The following ASTN1 variants were observed in gnomAD, a reference collection of about 807,000 sequenced individuals.
The protein encoded by ASTN1 is astrotactin 1.
A neutral mutation model predicts 140.7 loss-of-function variants in ASTN1; 41 were observed. That is an observed-to-expected ratio of 0.29 (90% CI 0.23 to 0.38). ASTN1 has a LOEUF of 0.38. Among genes scored for constraint, ASTN1 ranks in the 10% least tolerant of loss-of-function variants. The probability of loss-of-function intolerance (pLI) is 1.00; values close to 1 mark genes in which losing one functional copy is unlikely to be tolerated. For synonymous variants in ASTN1, 640 were observed against 652.2 expected (o/e 0.98, Z 0.29); for missense variants, 1,479 against 1,678.8 (o/e 0.88, Z 2.08).
At chr1:176,875,877 T>C (rs1668539120) in intron 21 of ASTN1, among the ~76,000 whole-genome samples, 1 of 152,118 alleles carries the variant, frequency 6.6e-6, no homozygotes, top group Non-Finnish European at 1.5e-5. Flanking sequence ...ATAAATAGGG[T>C]GTAAAAACCT....
At chr1:176,931,301 T>C (rs1268348935) in intron 16 of ASTN1, among the ~76,000 whole-genome samples, 1 of 152,074 alleles carries the variant, frequency 6.6e-6, no homozygotes, top group Non-Finnish European at 1.5e-5. Flanking sequence ...ACCCCGTCTC[T>C]ACTTAAATAC....
chr1:177,034,560 T>C (rs1676617340), intron 2 of ASTN1, among the ~76,000 whole-genome samples: 1 of 152,090 alleles, frequency 6.6e-6, no homozygotes, highest in South Asian at 2.1e-4. Flanking sequence ...CCATCCATCC[T>C]GGCAGCCCTG....
chr1:176,958,270 AC>A, intron 10 of ASTN1, 74 bp downstream of exon 10: 1 of 1,599,156 alleles, frequency 6.3e-7, no homozygotes, highest in Non-Finnish European at 8.5e-7. Flanking sequence ...CTTCCCCAGC[AC>A]CTAAAACCTA....
chr1:177,095,909 G>C (rs1053030207), intron 1 of ASTN1, among the ~76,000 whole-genome samples: 1 of 152,204 alleles, frequency 6.6e-6, no homozygotes, highest in Admixed American at 6.5e-5. Flanking sequence ...AAGCCATGGG[G>C]GAATGGCTGC....
intron 1 of ASTN1, among the ~76,000 whole-genome samples, chr1:177,092,893 T>C (rs1679826999): frequency 6.6e-6 from 1 of 152,220 alleles, no homozygotes; most frequent in South Asian, 2.1e-4. Flanking sequence ...ACTAACCCAT[T>C]TCTATATATC....
intron 11 of ASTN1, among the ~76,000 whole-genome samples, chr1:176,952,072 T>C (rs547496493): frequency 3.0e-4 from 46 of 152,274 alleles, no homozygotes; most frequent in African/African-American, 1.1e-3. Context: ...GCCATGCTGC[T>C]TCTCTAGTAT....
At chr1:176,917,131 G>T (rs1313188106) in intron 16 of ASTN1, among the ~76,000 whole-genome samples, 2 of 152,066 alleles carry the variant, frequency 1.3e-5, no homozygotes, top group East Asian at 3.9e-4. Flanking sequence ...CCTCCTCTTT[G>T]GTGCTTCCTT....
At chr1:177,119,603 T>C (rs987268098) in intron 1 of ASTN1, among the ~76,000 whole-genome samples, 2 of 152,158 alleles carry the variant, frequency 1.3e-5, no homozygotes, top group African/African-American at 4.8e-5. Flanking sequence ...CCTTCTTTCC[T>C]CTCAAACCTC....
intron 16 of ASTN1, among the ~76,000 whole-genome samples, chr1:176,895,328 T>G (rs145940052): frequency 6.6e-6 from 1 of 152,354 alleles, no homozygotes; most frequent in African/African-American, 2.4e-5. Context: ...GCCTGTACTA[T>G]AAAAGTGAGA....
At chr1:177,094,922 A>G (rs530191724) in intron 1 of ASTN1, among the ~76,000 whole-genome samples, 57 of 152,322 alleles carry the variant, frequency 3.7e-4, no homozygotes, top group Non-Finnish European at 5.3e-4. Flanking sequence ...TGGTATAAAT[A>G]CAGATGATAA....
chr1:177,114,958 C>T (rs1681008880), intron 1 of ASTN1, among the ~76,000 whole-genome samples: 1 of 151,874 alleles, frequency 6.6e-6, no homozygotes, highest in African/African-American at 2.4e-5. Context: ...AGGAGAAGCA[C>T]TGTTAGCCAG....
At chr1:177,158,936 G>A (rs1446684540) in intron 1 of ASTN1, among the ~76,000 whole-genome samples, 15 of 149,756 alleles carry the variant, frequency 1.0e-4, no homozygotes, top group East Asian at 5.8e-4. Flanking sequence ...GCATGGTGGC[G>A]GGTGACTGTA....
chr1:177,101,545 G>A (rs529232874), intron 1 of ASTN1, among the ~76,000 whole-genome samples: 1 of 152,156 alleles, frequency 6.6e-6, no homozygotes, highest in African/African-American at 2.4e-5. Flanking sequence ...TTTCCTGGGG[G>A]TGAGGTGGCA....
At chr1:177,015,999 T>C (rs1675527401) in intron 7 of ASTN1, among the ~76,000 whole-genome samples, 1 of 152,188 alleles carries the variant, frequency 6.6e-6, no homozygotes, top group Non-Finnish European at 1.5e-5. Flanking sequence ...ATGATGGGCA[T>C]ACCATTTCTT....
chr1:176,946,055 G>A lies in ASTN1; in HGVS notation c.2120C>T (p.Pro707Leu). 1 of 1,614,002 alleles carries A rather than the reference G, an allele frequency of 6.2e-7. No individual in the cohort carries two copies. Among genetic ancestry groups the A allele is most frequent in the Non-Finnish European group, 8.5e-7 (1 of 1,179,920 alleles). Residue 707 changes from proline (P) to leucine (L), a missense_variant, in exon 13 of 23, where the codon CCA becomes CTA. This residue lies in a region of ASTN1 where 746 missense variants were observed against 800.9 expected (regional missense o/e 0.93). Coordinates refer to ENST00000361833, the MANE Select transcript of ASTN1 (RefSeq NM_004319.3). Reference protein sequence around the residue: ...RSCQLITETCPEGSDCGESRE... With the variant: ...RSCQLITETCLEGSDCGESRE... ...GCTTTCCCCACAGTCACTTCCCTCTGGACAGGTCTCCGTGATGAGTTGGCA... is the reference window on the plus strand; with the variant it reads ...GCTTTCCCCACAGTCACTTCCCTCTAGACAGGTCTCCGTGATGAGTTGGCA...
Position 176,931,259 on chromosome 1 carries a change from G to A in ASTN1, c.2671+2893C>T, listed in dbSNP as rs888693528. On this transcript the variant is annotated intron_variant, in intron 16 of 22. Transcript: ENST00000361833. ...AGGTGGGCAGATCACCTGAGGTCGGGAGTTCGAGACCAGTCTGATCAACAC... is the reference window on the plus strand; with the variant it reads ...AGGTGGGCAGATCACCTGAGGTCGGAAGTTCGAGACCAGTCTGATCAACAC... 9.2e-4 allele frequency among the ~76,000 whole-genome samples: 140 copies of A among 152,242 alleles called. 1 individual carries two copies. Among genetic ancestry groups the A allele is most frequent in the East Asian group, 3.9e-4 (2 of 5,164 alleles).
chr1:177,051,909 T>C (rs1677560265), intron 2 of ASTN1, among the ~76,000 whole-genome samples: 1 of 152,180 alleles, frequency 6.6e-6, no homozygotes, highest in Non-Finnish European at 1.5e-5. Flanking sequence ...TCACGTGGTT[T>C]GATTAAAAAA....
intron 1 of ASTN1, among the ~76,000 whole-genome samples, chr1:177,096,203 AAAT>A (rs2102117380): frequency 6.6e-6 from 1 of 152,310 alleles, no homozygotes; most frequent in African/African-American, 2.4e-5. Flanking sequence ...GCCTCAGGTT[AAAT>A]AATACCTTGA....
chr1:177,073,110 G>T lies in ASTN1; in HGVS notation c.284-11845C>A, dbSNP rs145032217. 1.2e-3 allele frequency among the ~76,000 whole-genome samples: 185 copies of T among 152,172 alleles called. 1 individual carries two copies. Among genetic ancestry groups the T allele is most frequent in the African/African-American group, 4.4e-3 (181 of 41,526 alleles). ...ATCAGGACACAAAGACAGAAATTAG[G>T]GAGAGGTATACAGCATTGGTAGCTT... On this transcript the variant is annotated intron_variant, in intron 1 of 22. Transcript: ENST00000361833.
Sources: allele counts gnomAD v4.1 joint callset (sites outside exome capture counted in the v4.1 genomes callset), GRCh38; gene constraint gnomAD v4.1.1; regional missense constraint gnomAD v4.1.1; transcripts MANE v1.5; gene names NCBI Gene and HGNC (gene_info 2026-07-23, HGNC 2026-07-21).